EPHB2: variants seen among roughly 807,000 people sequenced by gnomAD.
The protein encoded by EPHB2 is EPH receptor B2.
A neutral mutation model predicts 96.4 loss-of-function variants in EPHB2; 18 were observed. The observed-to-expected ratio is 0.19, with a 90% confidence interval of 0.13 to 0.28. EPHB2 has a LOEUF of 0.28. Among genes scored for constraint, EPHB2 ranks in the 10% least tolerant of loss-of-function variants. EPHB2 has a pLI of 1.00. For synonymous variants in EPHB2, 506 were observed against 534.1 expected (o/e 0.95, Z 0.72); for missense variants, 989 against 1,355.4 (o/e 0.73, Z 4.25).
intron 3 of EPHB2, among the ~76,000 whole-genome samples, chr1:22,823,769 C>T (rs986704248): frequency 3.3e-5 from 5 of 152,364 alleles, no homozygotes; most frequent in African/African-American, 1.2e-4. Context: ...CTAAGCTTTT[C>T]CTCATCTCTG....
At chr1:22,747,009 G>A (rs1350558215) in intron 1 of EPHB2, among the ~76,000 whole-genome samples, 2 of 152,192 alleles carry the variant, frequency 1.3e-5, no homozygotes, top group African/African-American at 2.4e-5. Flanking sequence ...GGTGAGAGCA[G>A]GAGAGTCCCT....
chr1:22,895,758 T>C (rs1397458026), intron 8 of EPHB2, among the ~76,000 whole-genome samples, 178 bp downstream of exon 8: 4 of 152,256 alleles, frequency 2.6e-5, no homozygotes, highest in Non-Finnish European at 5.9e-5. Flanking sequence ...GCGGCCACCA[T>C]GTGCAATCCA....
chr1:22,783,575 C>T (rs1157758921), intron 2 of EPHB2, among the ~76,000 whole-genome samples: 1 of 152,194 alleles, frequency 6.6e-6, no homozygotes, highest in Non-Finnish European at 1.5e-5. Context: ...GACGATGCCC[C>T]AGGAGGGCAC....
At chr1:22,799,663 G>T (rs1172496028) in intron 3 of EPHB2, among the ~76,000 whole-genome samples, 2 of 152,180 alleles carry the variant, frequency 1.3e-5, no homozygotes, top group African/African-American at 4.8e-5. Context: ...GTTCAGAGAA[G>T]CCAAGTGACT....
intron 1 of EPHB2, among the ~76,000 whole-genome samples, chr1:22,781,000 T>G (rs2148418648): frequency 6.6e-6 from 1 of 151,908 alleles, no homozygotes; most frequent in Non-Finnish European, 1.5e-5. Flanking sequence ...TAGGCGGGGC[T>G]CTCAGTAAAG....
chr1:22,715,266 G>A (rs1350320988), intron 1 of EPHB2, among the ~76,000 whole-genome samples: 2 of 152,210 alleles, frequency 1.3e-5, no homozygotes, highest in Admixed American at 1.3e-4. Flanking sequence ...CCAAGGGGAT[G>A]GCTTGAGTAG....
At chr1:22,844,223 A>G (rs1052555897) in intron 3 of EPHB2, among the ~76,000 whole-genome samples, 4 of 152,048 alleles carry the variant, frequency 2.6e-5, no homozygotes, top group African/African-American at 9.7e-5. Flanking sequence ...AAATTTCCAC[A>G]CTGCTTTCCA....
chr1:22,869,707 T>C (rs1638595750), intron 5 of EPHB2, among the ~76,000 whole-genome samples: 1 of 152,222 alleles, frequency 6.6e-6, no homozygotes, highest in Admixed American at 6.5e-5. Context: ...TGCTGTTCCC[T>C]CTGCCTGGAA....
intron 1 of EPHB2, among the ~76,000 whole-genome samples, chr1:22,748,871 A>G (rs1644016714): frequency 6.7e-6 from 1 of 148,586 alleles, no homozygotes; most frequent in South Asian, 2.2e-4. Flanking sequence ...TTTGAAAGTA[A>G]TGGCAAAAAC....
chr1:22,793,390 A>T (rs16827538), intron 3 of EPHB2, among the ~76,000 whole-genome samples: 17,678 of 152,100 alleles, frequency 0.12, 1,738 homozygotes, highest in East Asian at 0.55. Context: ...TTAGGAGGGA[A>T]TGGGGAGAGA....
At chr1:22,887,971 A>G (rs1430852480) in intron 6 of EPHB2, among the ~76,000 whole-genome samples, 1 of 152,152 alleles carries the variant, frequency 6.6e-6, no homozygotes. Context: ...TCACTTTTGC[A>G]TTCATCCATC....
At chr1:22,845,068 A>G (rs1645522104) in intron 3 of EPHB2, among the ~76,000 whole-genome samples, 1 of 152,230 alleles carries the variant, frequency 6.6e-6, no homozygotes, top group Non-Finnish European at 1.5e-5. Flanking sequence ...GGTGACGATG[A>G]TGAGTTAGGC....
chr1:22,908,216 G>A (rs563519945), intron 12 of EPHB2, 48 bp downstream of exon 12: 58 of 1,605,694 alleles, frequency 3.6e-5, no homozygotes, highest in African/African-American at 1.1e-4. Flanking sequence ...AGAGAAGAGG[G>A]CATGAGTGTC....
intron 1 of EPHB2, among the ~76,000 whole-genome samples, chr1:22,773,390 C>G (rs893655022): frequency 4.6e-5 from 7 of 152,322 alleles, no homozygotes; most frequent in Admixed American, 2.0e-4. Flanking sequence ...TTCAGGCCAC[C>G]TCAGCCCCAC....
At chr1:22,803,334 CAG>C (rs896518877) in intron 3 of EPHB2, among the ~76,000 whole-genome samples, 2 of 152,136 alleles carry the variant, frequency 1.3e-5, no homozygotes, top group African/African-American at 4.8e-5. Flanking sequence ...AGGCCGGGCA[CAG>C]TGGCACACAC....
In EPHB2 at chr1:22,892,740, A is replaced by G. The variant is rs1478416074; in HGVS notation, c.1429-144A>G. On this transcript the variant is annotated intron_variant, in intron 6 of 15. Coordinates refer to ENST00000374630, the MANE Select transcript of EPHB2 (RefSeq NM_017449.5). ...GTAACATGGCAAAAGGCATAATTCTATTAAAGGGAGGGGATGAAGAATTGG... is the reference window on the plus strand; with the variant it reads ...GTAACATGGCAAAAGGCATAATTCTGTTAAAGGGAGGGGATGAAGAATTGG... 5 of 1,042,590 alleles carry G rather than the reference A, an allele frequency of 4.8e-6. No individual in the cohort carries two copies. In the East Asian group the frequency reaches 7.1e-5, roughly 15 times the overall value. The allele number at this position is 1,042,590 out of a possible 1,614,324, so 64.6% of individuals were successfully genotyped here.
chr1:22,909,407 C>T (rs891654503), intron 13 of EPHB2, among the ~76,000 whole-genome samples: 1 of 152,256 alleles, frequency 6.6e-6, no homozygotes. Flanking sequence ...CACATCAGCA[C>T]GTCTTCAGGA....
chr1:22,766,884 G>T (rs1458108040), intron 1 of EPHB2, among the ~76,000 whole-genome samples: 2 of 152,260 alleles, frequency 1.3e-5, no homozygotes, highest in East Asian at 3.9e-4. Flanking sequence ...CCCCAGTGTG[G>T]GGCTGGGGAG....
intron 3 of EPHB2, among the ~76,000 whole-genome samples, chr1:22,789,344 G>C (rs1164455552): frequency 6.6e-6 from 1 of 152,232 alleles, no homozygotes; most frequent in Non-Finnish European, 1.5e-5. Context: ...AATAAGGCTG[G>C]ATTAAGTCTT....
Sources: allele counts gnomAD v4.1 joint callset (sites outside exome capture counted in the v4.1 genomes callset), GRCh38; gene constraint gnomAD v4.1.1; transcripts MANE v1.5; gene names NCBI Gene and HGNC (gene_info 2026-07-23, HGNC 2026-07-21).